LRRTM4: variants seen among roughly 807,000 people sequenced by gnomAD.
The protein encoded by LRRTM4 is leucine-rich repeat transmembrane neuronal protein 4.
Under a neutral mutation model 47.6 loss-of-function variants are expected in LRRTM4, and 25 were observed. That is an observed-to-expected ratio of 0.53 (90% CI 0.38 to 0.73). The LOEUF (loss-of-function observed/expected upper bound fraction) is 0.73. Ranked by LOEUF, LRRTM4 falls within the 30% of genes least tolerant of loss-of-function variation. LRRTM4 has a pLI of 0.00. For synonymous variants in LRRTM4, 311 were observed against 269.5 expected (o/e 1.15, Z -1.51); for missense variants, 638 against 713.4 (o/e 0.89, Z 1.20).
intron 3 of LRRTM4, among the ~76,000 whole-genome samples, chr2:76,966,950 T>C (rs1676046066): frequency 6.6e-6 from 1 of 151,464 alleles, no homozygotes; most frequent in African/African-American, 2.4e-5. Context: ...TCAATTTTTA[T>C]TCTCGCATAT....
intron 3 of LRRTM4, among the ~76,000 whole-genome samples, chr2:77,249,061 A>C (rs1675528159): frequency 6.6e-6 from 1 of 152,128 alleles, no homozygotes; most frequent in Non-Finnish European, 1.5e-5. Context: ...AAAATTAAAA[A>C]TTTGGGGGCC....
chr2:76,823,203 A>C (rs1191737012), intron 3 of LRRTM4, among the ~76,000 whole-genome samples: 1 of 151,470 alleles, frequency 6.6e-6, no homozygotes, highest in Non-Finnish European at 1.5e-5. Flanking sequence ...ATATTGTCAA[A>C]TTCAACTAAT....
chr2:77,060,850 T>C (rs900277255), intron 3 of LRRTM4, among the ~76,000 whole-genome samples: 1 of 152,116 alleles, frequency 6.6e-6, no homozygotes, highest in Non-Finnish European at 1.5e-5. Context: ...CATGGAAACA[T>C]GTGAGCACAA....
chr2:76,749,205 T>C (rs1331807830), intron 3 of LRRTM4, among the ~76,000 whole-genome samples: 1 of 152,166 alleles, frequency 6.6e-6, no homozygotes, highest in East Asian at 1.9e-4. Context: ...ACAACCTAAA[T>C]GCCCAGGGAA....
intron 3 of LRRTM4, among the ~76,000 whole-genome samples, chr2:77,473,177 G>T (rs11898534): frequency 0.11 from 16,046 of 152,038 alleles, 1,522 homozygotes; most frequent in East Asian, 0.47. Context: ...TTCCTGGATT[G>T]TCTGAGTAAT....
chr2:76,834,902 G>A (rs1316605657), intron 3 of LRRTM4, among the ~76,000 whole-genome samples: 1 of 152,092 alleles, frequency 6.6e-6, no homozygotes, highest in Non-Finnish European at 1.5e-5. Context: ...TCAGAAGACT[G>A]GAAAAGTTTG....
chr2:77,135,740 T>C (rs1218902442), intron 3 of LRRTM4, among the ~76,000 whole-genome samples: 1 of 152,098 alleles, frequency 6.6e-6, no homozygotes, highest in Non-Finnish European at 1.5e-5. Context: ...TTTTGAAACA[T>C]TGACTTTGAA....
At chr2:77,037,448 T>C (rs569450238) in intron 3 of LRRTM4, among the ~76,000 whole-genome samples, 2 of 151,802 alleles carry the variant, frequency 1.3e-5, no homozygotes, top group Admixed American at 6.6e-5. Flanking sequence ...ATGCACATAA[T>C]TGCAAGCATT....
chr2:77,230,163 A>G (rs894693006), intron 3 of LRRTM4, among the ~76,000 whole-genome samples: 1 of 152,180 alleles, frequency 6.6e-6, no homozygotes, highest in Non-Finnish European at 1.5e-5. Context: ...TTTAATATAA[A>G]CAAGTCATAT....
At chr2:76,999,432 C>A (rs1348433787) in intron 3 of LRRTM4, among the ~76,000 whole-genome samples, 4 of 144,860 alleles carry the variant, frequency 2.8e-5, no homozygotes, top group Non-Finnish European at 5.9e-5. Flanking sequence ...GGAAGGAAAA[C>A]ACAAAAGGAA....
chr2:77,218,177 A>G (rs1674512236), intron 3 of LRRTM4, among the ~76,000 whole-genome samples: 3 of 152,100 alleles, frequency 2.0e-5, no homozygotes. Flanking sequence ...TATTTTTAGT[A>G]GAGATGGGGT....
At chr2:76,794,853 T>A (rs1384626279) in intron 3 of LRRTM4, among the ~76,000 whole-genome samples, 1 of 150,714 alleles carries the variant, frequency 6.6e-6, no homozygotes, top group African/African-American at 2.4e-5. Context: ...TTGCCATAGG[T>A]CCCTCTAGAG....
chr2:76,816,521 T>C (rs1457077137), intron 3 of LRRTM4, among the ~76,000 whole-genome samples: 4 of 152,174 alleles, frequency 2.6e-5, no homozygotes, highest in African/African-American at 9.6e-5. Flanking sequence ...TCATAATCTA[T>C]AGAAGTGGAA....
At chr2:77,395,774 A>C (rs1673677183) in intron 3 of LRRTM4, among the ~76,000 whole-genome samples, 1 of 151,990 alleles carries the variant, frequency 6.6e-6, no homozygotes, top group Non-Finnish European at 1.5e-5. Flanking sequence ...CTTTAAGTCC[A>C]CTGGACCAAA....
chr2:76,894,371 G>A (rs1401885560), intron 3 of LRRTM4, among the ~76,000 whole-genome samples: 1 of 152,006 alleles, frequency 6.6e-6, no homozygotes, highest in Non-Finnish European at 1.5e-5. Flanking sequence ...TAAAAATACT[G>A]ACTCATATAA....
chr2:76,782,524 C>T (rs1325846125), intron 3 of LRRTM4, among the ~76,000 whole-genome samples: 1 of 152,300 alleles, frequency 6.6e-6, no homozygotes, highest in Non-Finnish European at 1.5e-5. Flanking sequence ...TGAATTATTA[C>T]AGCAGTACAG....
At chr2:77,491,286 C>T (rs998544951) in intron 3 of LRRTM4, among the ~76,000 whole-genome samples, 4 of 150,664 alleles carry the variant, frequency 2.7e-5, no homozygotes, top group African/African-American at 9.8e-5. Flanking sequence ...AACTGGAAGA[C>T]AGATAAAGAG....
intron 3 of LRRTM4, among the ~76,000 whole-genome samples, chr2:77,481,430 CCA>C (rs1677699142): frequency 6.6e-6 from 1 of 152,144 alleles, no homozygotes; most frequent in South Asian, 2.1e-4. Context: ...CCTGCTTATC[CCA>C]CACTGCAGAA....
intron 3 of LRRTM4, among the ~76,000 whole-genome samples, chr2:77,383,354 T>C (rs1221411660): frequency 6.6e-6 from 1 of 152,056 alleles, no homozygotes; most frequent in African/African-American, 2.4e-5. Context: ...TTCTGTGTTC[T>C]TTGTACAATT....
Sources: allele counts gnomAD v4.1 joint callset (sites outside exome capture counted in the v4.1 genomes callset), GRCh38; gene constraint gnomAD v4.1.1; transcripts MANE v1.5; gene names NCBI Gene and HGNC (gene_info 2026-07-23, HGNC 2026-07-21).